The following TF variants were observed in gnomAD, a reference collection of about 807,000 sequenced individuals.
The protein encoded by TF is serotransferrin.
A neutral mutation model predicts 82.4 loss-of-function variants in TF; 55 were observed. The ratio of observed to expected loss-of-function variants is 0.67; its 90% CI spans 0.54 to 0.84. The LOEUF (loss-of-function observed/expected upper bound fraction) is 0.84, where lower values mean the gene tolerates loss of function less well. TF is among the 40% of genes least tolerant of loss of function. The pLI, the probability that TF is intolerant of heterozygous loss-of-function variation, is 0.00. For missense variants in TF, 737 were observed against 868.4 expected, an observed-to-expected ratio of 0.85 and a Z score of 1.90; for synonymous variants, 332 against 332.6, an observed-to-expected ratio of 1.00 and a Z score of 0.02.
chr3:133,775,546 G>A lies in TF; in HGVS notation c.1801G>A (p.Ala601Thr). ...GTATGCGAACTGCCACCTGGCCAGAGCCCCGAATCACGCTGTGGTCACACG... is the reference window on the plus strand; with the variant it reads ...GTATGCGAACTGCCACCTGGCCAGAACCCCGAATCACGCTGTGGTCACACG... Reference protein sequence around the residue: ...EEYANCHLARAPNHAVVTRKD... With the variant: ...EEYANCHLARTPNHAVVTRKD... The change falls in exon 15 of 17, where the codon GCC (alanine) becomes ACC (threonine). Residue 601 changes from alanine to threonine, a missense_variant. Transcript: ENST00000402696. The A allele has an allele frequency of 6.2e-7, 1 of 1,614,226 alleles. No homozygotes were observed. The highest frequency in any genetic ancestry group is 1.1e-5 in the South Asian group (1 of 91,080).
At chr3:133,757,081 A>T in intron 7 of TF, 72 bp downstream of exon 7, 1 of 1,588,752 alleles carries the variant, frequency 6.3e-7, no homozygotes, top group South Asian at 1.1e-5. Flanking sequence ...CCTCCTGGCC[A>T]TCTTGTCACT....
In TF at chr3:133,780,416, C is replaced by T. The variant is rs957696290; in HGVS notation, c.*1796C>T. 6.6e-6 allele frequency: 1 copy of T among 152,170 alleles called. No homozygotes were observed. The highest frequency in any genetic ancestry group is 2.4e-5 in the African/African-American group (1 of 41,452). 9.4% of individuals were successfully genotyped at this position (152,170 alleles called of 1,614,324 possible). ...ACTGGGCTAAAACAAAAATATTCAA[C>T]ATCCATTCTTAATTATTAAATTAGT... On this transcript the variant is annotated 3_prime_UTR_variant, in exon 17 of 17. Transcript: ENST00000402696.
At chr3:133,753,011 C>T (rs1346164962) in intron 2 of TF, among the ~76,000 whole-genome samples, 2 of 152,116 alleles carry the variant, frequency 1.3e-5, no homozygotes, top group Non-Finnish European at 2.9e-5. Flanking sequence ...GCATTGAGTA[C>T]TGAGTCAGAG....
Position 133,793,648 on chromosome 3 carries a change from T to C in TF, c.*15028T>C, listed in dbSNP as rs1380511147. The C allele has an allele frequency of 6.6e-6, 1 of 152,174 alleles. No individual in the cohort carries two copies. Among genetic ancestry groups the C allele is most frequent in the Non-Finnish European group, 1.5e-5 (1 of 68,012 alleles). 9.4% of individuals were successfully genotyped at this position (152,174 alleles called of 1,614,324 possible). A position where few individuals can be genotyped will look rare whatever the true frequency, so the allele number is the denominator to read the frequency against. Reference sequence around the variant, plus strand: ...ATTATGTTATTGTAGACCACAGAAATAACCAAATTTCCTTGTCAATTGTGT... The same window carrying C: ...ATTATGTTATTGTAGACCACAGAAACAACCAAATTTCCTTGTCAATTGTGT... On this transcript the variant is annotated 3_prime_UTR_variant, in exon 17 of 17. Transcript: ENST00000402696.
intron 11 of TF, among the ~76,000 whole-genome samples, chr3:133,765,899 T>G (rs1293708713): frequency 2.0e-5 from 3 of 152,246 alleles, no homozygotes; most frequent in African/African-American, 7.2e-5. Context: ...GATCTTTTAC[T>G]ACTATATCTC....
intron 16 of TF, 96 bp from the exon 17 acceptor site, chr3:133,778,490 C>T: frequency 7.2e-7 from 1 of 1,382,326 alleles, no homozygotes; most frequent in Non-Finnish European, 1.0e-6. Context: ...CAAGTCTGCA[C>T]ACTTTGTACT....
At chr3:133,740,757 A>G in the TF span, among the ~76,000 whole-genome samples, 1 of 152,208 alleles carries the variant, frequency 6.6e-6, no homozygotes, top group Non-Finnish European at 1.5e-5. Flanking sequence ...TTTTTACAAT[A>G]TCAAGTCTTC....
chr3:133,770,738 C>A, intron 14 of TF, 166 bp downstream of exon 14: 1 of 861,020 alleles, frequency 1.2e-6, no homozygotes, highest in Non-Finnish European at 1.9e-6. Flanking sequence ...CACCTGAGTG[C>A]GCAGAATGAT....
the TF span, among the ~76,000 whole-genome samples, chr3:133,666,321 T>A: frequency 6.6e-6 from 1 of 151,986 alleles, no homozygotes; most frequent in African/African-American, 2.4e-5. Flanking sequence ...TACAGGCATG[T>A]GCCACCATGC....
At chr3:133,734,315 A>G in the TF span, among the ~76,000 whole-genome samples, 1 of 152,352 alleles carries the variant, frequency 6.6e-6, no homozygotes, top group East Asian at 1.9e-4. Flanking sequence ...ACCTTAGAGA[A>G]GGAGATTCTA....
chr3:133,722,678 T>C, the TF span, among the ~76,000 whole-genome samples: 1 of 152,206 alleles, frequency 6.6e-6, no homozygotes, highest in Non-Finnish European at 1.5e-5. Flanking sequence ...CGCATTTTCC[T>C]TCCCACAGTT....
chr3:133,753,910 A>T, intron 3 of TF: 1 of 642,394 alleles, frequency 1.6e-6, no homozygotes, highest in Admixed American at 2.3e-5. Context: ...GTGCTCCTAA[A>T]ACTGAGCCCT....
chr3:133,681,326 C>T, the TF span, among the ~76,000 whole-genome samples: 5 of 152,340 alleles, frequency 3.3e-5, 1 homozygote, highest in African/African-American at 1.2e-4. Flanking sequence ...CCAGGTTCAT[C>T]TCACTGGGTC....
intron 12 of TF, among the ~76,000 whole-genome samples, chr3:133,766,719 C>G (rs1193138900): frequency 1.3e-5 from 2 of 152,170 alleles, no homozygotes; most frequent in Non-Finnish European, 2.9e-5. Flanking sequence ...CAGTGCATGG[C>G]TGGTATGGTC....
the TF span, among the ~76,000 whole-genome samples, chr3:133,672,779 G>A: frequency 1.4e-5 from 2 of 146,656 alleles, no homozygotes; most frequent in Non-Finnish European, 3.0e-5. Flanking sequence ...GGGAAGGGGA[G>A]GGGGACAGAA....
In TF at chr3:133,766,304, A is replaced by C; in HGVS notation, c.1357A>C (p.Lys453Gln). The C allele has an allele frequency of 6.2e-7, 1 of 1,614,196 alleles. No individual in the cohort carries two copies. Among genetic ancestry groups the C allele is most frequent in the Non-Finnish European group, 8.5e-7 (1 of 1,180,022 alleles). ...AGYFAIAVVK[K>Q]SASDLTWDNL... ...GTATTTTGCTATAGCAGTGGTGAAG[A>C]AATCAGCTTCTGACCTCACCTGGGA... The change falls in exon 12 of 17, where the codon AAA becomes CAA. Residue 453 changes from lysine to glutamine, a missense_variant. By Grantham distance (53) the Lys-to-Gln change is moderately conservative. Coordinates refer to ENST00000402696, the MANE Select transcript of TF (RefSeq NM_001063.4).
the TF span, among the ~76,000 whole-genome samples, chr3:133,695,047 G>A: frequency 6.6e-6 from 1 of 151,954 alleles, no homozygotes; most frequent in African/African-American, 2.4e-5. Context: ...GGGTTCAAAG[G>A]CCCTTCAGAC....
intron 9 of TF, among the ~76,000 whole-genome samples, chr3:133,763,385 C>T (rs944025951): frequency 2.6e-5 from 4 of 152,152 alleles, no homozygotes; most frequent in African/African-American, 7.2e-5. Context: ...GCCATACTTA[C>T]GTTTTAAAGA....
chr3:133,763,328 G>A (rs114200053), intron 9 of TF, among the ~76,000 whole-genome samples: 231 of 152,262 alleles, frequency 1.5e-3, no homozygotes, highest in African/African-American at 5.4e-3. Flanking sequence ...GATAATATTT[G>A]CTGATGTGTA....
Sources: allele counts gnomAD v4.1 joint callset (sites outside exome capture counted in the v4.1 genomes callset), GRCh38; gene constraint gnomAD v4.1.1; transcripts MANE v1.5; gene names NCBI Gene and HGNC (gene_info 2026-07-23, HGNC 2026-07-21).